Variants in F5 observed in about 807,000 individuals in gnomAD.
F5 encodes the protein activated protein c cofactor.
In F5, 138 loss-of-function variants were observed where a neutral mutation model predicts 216.4. The observed-to-expected ratio is 0.64, with a 90% CI of 0.56 to 0.73. The LOEUF (loss-of-function observed/expected upper bound fraction) is 0.73, where lower values mean the gene tolerates loss of function less well. Ranked by LOEUF, F5 falls within the 30% of genes least tolerant of loss-of-function variation. The probability of loss-of-function intolerance (pLI) is 0.00; values close to 1 mark genes in which losing one functional copy is unlikely to be tolerated. For synonymous variants in F5, 916 were observed against 930.7 expected (o/e 0.98, Z 0.29); for missense variants, 2,403 against 2,674.0 (o/e 0.90, Z 2.24).
chr1:169,551,312 T>C (rs996755481), intron 8 of F5, among the ~76,000 whole-genome samples: 2 of 152,072 alleles, frequency 1.3e-5, no homozygotes, highest in African/African-American at 2.4e-5. Context: ...TAGCCAGGCG[T>C]TGGGGCGTGT....
intron 16 of F5, among the ~76,000 whole-genome samples, chr1:169,528,714 A>AT (rs1319007689): frequency 3.3e-5 from 5 of 152,166 alleles, no homozygotes; most frequent in Non-Finnish European, 7.3e-5. Flanking sequence ...AAATACGCGG[A>AT]TTTTTTAAAA....
chr1:169,556,577 AGAGG>A (rs1660335948), intron 6 of F5, 65 bp downstream of exon 6: 13 of 1,481,760 alleles, frequency 8.8e-6, no homozygotes, highest in Non-Finnish European at 1.2e-5. Context: ...CAAGGGAGAA[AGAGG>A]GAGTTAGTGC....
chr1:169,550,358 T>C (rs1202043885), intron 9 of F5, among the ~76,000 whole-genome samples: 1 of 147,456 alleles, frequency 6.8e-6, no homozygotes, highest in African/African-American at 2.5e-5. Flanking sequence ...CATTGTTCAA[T>C]TGAATTCTTT....
At chr1:169,520,386 A>T in intron 22 of F5, 134 bp downstream of exon 22, 1 of 1,080,792 alleles carries the variant, frequency 9.3e-7, no homozygotes, top group Non-Finnish European at 1.4e-6. Context: ...CCTGAGTAGA[A>T]CCTCTGTTTC....
At chr1:169,573,618 G>A (rs894033871) in intron 2 of F5, among the ~76,000 whole-genome samples, 2 of 152,168 alleles carry the variant, frequency 1.3e-5, no homozygotes, top group Non-Finnish European at 2.9e-5. Context: ...ACTGCAATGG[G>A]AGAACACAGC....
At chr1:169,552,366 G>T (rs1227528689) in intron 8 of F5, among the ~76,000 whole-genome samples, 191 bp downstream of exon 8, 3 of 152,124 alleles carry the variant, frequency 2.0e-5, no homozygotes, top group Non-Finnish European at 2.9e-5. Flanking sequence ...TATAACTTGA[G>T]AAACTGTCTC....
chr1:169,567,584 G>A (rs1660635107), intron 3 of F5, among the ~76,000 whole-genome samples: 2 of 146,794 alleles, frequency 1.4e-5, no homozygotes, highest in African/African-American at 5.1e-5. Flanking sequence ...CAAAGTACCT[G>A]CTCAAAATTA....
intron 7 of F5, among the ~76,000 whole-genome samples, chr1:169,553,139 C>A (rs1162903705): frequency 6.6e-6 from 1 of 152,218 alleles, no homozygotes; most frequent in Non-Finnish European, 1.5e-5. Context: ...CTAAAAGCAA[C>A]TTCCAACCCC....
chr1:169,529,527 C>G, intron 16 of F5, 81 bp downstream of exon 16: 1 of 1,304,070 alleles, frequency 7.7e-7, no homozygotes. Context: ...CATGTCTAAT[C>G]TTGTGAATAT....
chr1:169,577,602 T>TAC (rs1329476991), intron 2 of F5, among the ~76,000 whole-genome samples: 6 of 105,990 alleles, frequency 5.7e-5, no homozygotes, highest in African/African-American at 2.7e-4. Context: ...TATATATATA[T>TAC]ATGTATGTAT....
chr1:169,541,539 G>A lies in F5; in HGVS notation c.3551C>T (p.Thr1184Ile), dbSNP rs1365877267. 1 of 1,614,016 alleles carries A rather than the reference G, an allele frequency of 6.2e-7. No homozygotes were observed. The highest frequency in any genetic ancestry group is 1.3e-5 in the African/African-American group (1 of 74,910). Residue 1184 changes from threonine to isoleucine, a missense_variant, in exon 13 of 25, where the codon ACA (threonine) becomes ATA (isoleucine). Physicochemically the swap from Thr to Ile is moderately conservative, Grantham distance 89 (BLOSUM62 -1). This residue lies in a region of F5 where 1,425 missense variants were observed against 1,554.8 expected (regional missense o/e 0.92). Coordinates refer to ENST00000367797, the MANE Select transcript of F5 (RefSeq NM_000130.5). ...SPSSEHEVWQ[T>I]VISPDLSQVT... The stretch of plus-strand genomic sequence containing the variant: ...CTGGCTGAGGTCTGGAGAGATGACT[G>A]TCTGCCAGACTTCATGTTCTGAGGA...
chr1:169,573,548 A>T (rs1453989027), intron 2 of F5, among the ~76,000 whole-genome samples: 3 of 152,202 alleles, frequency 2.0e-5, no homozygotes, highest in African/African-American at 7.2e-5. Context: ...TGAGAGACAG[A>T]AGTCAAGGAT....
At position 169,541,522 on chromosome 1, in the gene F5, GGTCTGGAGAGATGACTGTCT is replaced by G; in HGVS notation, c.3548_3567del (p.Gln1183ProfsTer201). ...TCTGGAGAGAGGGTCACCTGGCTGA[GGTCTGGAGAGATGACTGTCT>G]GCCAGACTTCATGTTCTGAGGAAGG... On this transcript the variant is annotated frameshift_variant, in exon 13 of 25. Coordinates refer to ENST00000367797, the MANE Select transcript of F5 (RefSeq NM_000130.5). LOFTEE classifies it high-confidence loss of function. The G allele has an allele frequency of 6.2e-7, 1 of 1,614,186 alleles. No individual in the cohort carries two copies. The highest frequency in any genetic ancestry group is 1.1e-5 in the South Asian group (1 of 91,080).
At chr1:169,530,706 A>G in intron 15 of F5, 80 bp downstream of exon 15, 3 of 1,270,886 alleles carry the variant, frequency 2.4e-6, no homozygotes, top group East Asian at 2.3e-5. Context: ...TTGACAAGAA[A>G]TAACCCCGAC....
Position 169,520,645 on chromosome 1 carries a change from T to C in F5, c.6068A>G (p.Asp2023Gly). The C allele has an allele frequency of 6.2e-7, 1 of 1,613,758 alleles. No individual in the cohort carries two copies. The highest frequency in any genetic ancestry group is 1.7e-5 in the Admixed American group (1 of 60,012). ...CTGATTCTCTTTTATTGTAGAGGCA[T>C]CTGAATTGCCATTAAAATACTAGAA... ...RNVMYFNGNS[D>G]ASTIKENQFD... is the part of the protein sequence containing the mutation. The change falls in exon 22 of 25, where the codon GAT becomes GGT. Residue 2023 changes from aspartate to glycine, a missense_variant. Asp to Gly is a moderately conservative substitution (Grantham distance 94). This residue lies in a region of F5 where 659 missense variants were observed against 787.9 expected (regional missense o/e 0.84). Coordinates refer to ENST00000367797, the MANE Select transcript of F5 (RefSeq NM_000130.5).
intron 3 of F5, among the ~76,000 whole-genome samples, chr1:169,562,407 AT>A (rs1416795815): frequency 1.4e-5 from 2 of 140,442 alleles, no homozygotes; most frequent in African/African-American, 4.9e-5. Flanking sequence ...ACAGTTTAGC[AT>A]TGCTTTTTTA....
chr1:169,530,947 C>G lies in F5; in HGVS notation c.5047G>C (p.Gly1683Arg). 6.2e-7 allele frequency: 1 copy of G among 1,613,808 alleles called. No homozygotes were observed. Among genetic ancestry groups the G allele is most frequent in the Non-Finnish European group, 8.5e-7 (1 of 1,179,826 alleles). ...HGLSYEKSSE[G>R]KTYEDDSPEW... The stretch of plus-strand genomic sequence containing the variant: ...GGAGAGTCATCTTCATAAGTCTTTC[C>G]CTCTGATGATTTTTCATAGGAAAGT... The change falls in exon 15 of 25, where the codon GGA becomes CGA. Residue 1683 changes from glycine to arginine, a missense_variant. Coordinates refer to ENST00000367797, the MANE Select transcript of F5 (RefSeq NM_000130.5).
At chr1:169,551,939 T>TA (rs1453459475) in intron 8 of F5, among the ~76,000 whole-genome samples, 13 of 152,222 alleles carry the variant, frequency 8.5e-5, no homozygotes, top group African/African-American at 2.7e-4. Flanking sequence ...TAGACTACAT[T>TA]AAAAAATGAG....
At chr1:169,558,140 C>T (rs1399738824) in intron 5 of F5, among the ~76,000 whole-genome samples, 2 of 152,124 alleles carry the variant, frequency 1.3e-5, no homozygotes, top group African/African-American at 4.8e-5. Context: ...AATGGTTAGT[C>T]CACTTTTGTA....
Sources: gnomAD v4.1 joint callset for allele counts (sites outside exome capture counted in the v4.1 genomes callset) on GRCh38, gnomAD v4.1.1 for gene constraint, gnomAD v4.1.1 regional missense constraint, MANE v1.5 for transcripts, NCBI Gene and HGNC (gene_info 2026-07-23, HGNC 2026-07-21) for gene names.